The following OTP variants were observed in gnomAD, a reference collection of about 807,000 sequenced individuals.
OTP encodes the protein homeobox protein orthopedia.
OTP carries 5 observed loss-of-function variants against 22.3 expected under a neutral mutation model. The observed-to-expected ratio is 0.22, with a 90% CI of 0.12 to 0.47. The LOEUF (loss-of-function observed/expected upper bound fraction) is 0.47, where lower values mean the gene tolerates loss of function less well. OTP is among the 20% of genes least tolerant of loss of function. OTP has a pLI of 0.99. For missense variants in OTP, 428 were observed against 456.2 expected (o/e 0.94, Z 0.56); for synonymous variants, 229 against 210.6 (o/e 1.09, Z -0.76).
chr5:77,630,257 G>C lies in OTP; in HGVS notation c.*7C>G, dbSNP rs776818512. 10 of 1,509,644 alleles carry C rather than the reference G, an allele frequency of 6.6e-6. No homozygotes were observed. The highest frequency in any genetic ancestry group is 7.9e-6 in the Non-Finnish European group (9 of 1,132,966). The allele number at this position is 1,509,644 out of a possible 1,614,324, so 93.5% of individuals were successfully genotyped here. A position where few individuals can be genotyped will look rare whatever the true frequency, so the allele number is the denominator to read the frequency against. On this transcript the variant is annotated 3_prime_UTR_variant, in exon 3 of 3. Transcript: ENST00000306422. The stretch of plus-strand genomic sequence containing the variant: ...CTGGGGGCGGAGCGGGCCGGGGCGC[G>C]GCTGCATTAAGTGAAGCTCATAGAG...
rs1443898774 is a variant in OTP at position 77,630,480 on chromosome 5, G to A, written c.762C>T (p.Asn254=). 6 of 1,593,370 alleles carry A rather than the reference G, an allele frequency of 3.8e-6. No individual in the cohort carries two copies. The highest frequency in any genetic ancestry group is 2.7e-5 in the African/African-American group (2 of 74,504). The change falls in exon 3 of 3, where the codon AAC becomes AAT. Residue 254 remains asparagine, a synonymous_variant. Transcript: ENST00000306422. ...CCGCGCCGTTGGAACCCGCCAGGCT[G>A]TTGGACAGGCCCATGGAGTTGGGCG... The part of the protein sequence containing the change: ...GPPPNSMGLS[N]SLAGSNGAGL...
intron 2 of OTP, among the ~76,000 whole-genome samples, chr5:77,634,262 A>C (rs1440517045): frequency 2.0e-5 from 3 of 152,226 alleles, no homozygotes; most frequent in African/African-American, 7.2e-5. Flanking sequence ...CTGCTTAATA[A>C]GCCATTCCAG....
intron 2 of OTP, among the ~76,000 whole-genome samples, chr5:77,634,655 G>C (rs1744981183): frequency 6.6e-6 from 1 of 152,120 alleles, no homozygotes. Context: ...ATTTGGTCAA[G>C]GAGCAATGGT....
At chr5:77,638,475 G>T (rs748703174) in intron 1 of OTP, 38 bp downstream of exon 1, 2 of 1,557,966 alleles carry the variant, frequency 1.3e-6, no homozygotes, top group East Asian at 2.4e-5. Context: ...TCCTGCCCCG[G>T]CTTCTCCTGG....
intron 2 of OTP, among the ~76,000 whole-genome samples, chr5:77,635,253 C>T (rs193229445): frequency 1.3e-5 from 2 of 152,252 alleles, no homozygotes; most frequent in East Asian, 1.9e-4. Context: ...AACCTACAAG[C>T]AAGCACTGTC....
At position 77,636,952 on chromosome 5, in the gene OTP, G is replaced by T. The variant is rs1745016079; in HGVS notation, c.316C>A (p.Arg106Ser). 2 of 1,614,074 alleles carry T rather than the reference G, an allele frequency of 1.2e-6. No homozygotes were observed. Among genetic ancestry groups the T allele is most frequent in the Non-Finnish European group, 1.7e-6 (2 of 1,179,972 alleles). Residue 106 changes from arginine (R) to serine (S), a missense_variant, in exon 2 of 3, where the codon CGC becomes AGC. By Grantham distance (110) the Arg-to-Ser change is moderately radical. Transcript: ENST00000306422. The stretch of plus-strand genomic sequence containing the variant: ...GCGGGGGTGAAGCGCGTCCGGTGGC[G>T]CTTCTGCTTCTGTTGGCCCTGCTGC... ...GQQQGQQKQK[R>S]HRTRFTPAQL...
Position 77,630,788 on chromosome 5 carries a change from A to G in OTP, c.454T>C (p.Phe152Leu). Reference protein sequence around the residue: ...GLTESRVQVWFQNRRAKWKKR... With the variant: ...GLTESRVQVWLQNRRAKWKKR... ...TTCCACTTGGCGCGTCGGTTCTGGA[A>G]CCAGACCTGGAGCGGGCGGGGCGGG... Residue 152 changes from phenylalanine to leucine, a missense_variant, in exon 3 of 3, where the codon TTC becomes CTC. By Grantham distance (22) the Phe-to-Leu change is conservative (BLOSUM62 0). Coordinates refer to ENST00000306422, the MANE Select transcript of OTP (RefSeq NM_032109.3). 1 of 1,557,780 alleles carries G rather than the reference A, an allele frequency of 6.4e-7. No individual in the cohort carries two copies. Among genetic ancestry groups the G allele is most frequent in the Non-Finnish European group, 8.6e-7 (1 of 1,160,820 alleles).
rs1187849037 is a variant in OTP, at chr5:77,630,601, A to G, written c.641T>C (p.Met214Thr). 1 of 1,554,236 alleles carries G rather than the reference A, an allele frequency of 6.4e-7. No homozygotes were observed. The highest frequency in any genetic ancestry group is 8.6e-7 in the Non-Finnish European group (1 of 1,156,762). The change falls in exon 3 of 3, where the codon ATG becomes ACG. Residue 214 changes from methionine to threonine, a missense_variant. By Grantham distance (81) the Met-to-Thr change is moderately conservative. Around this residue, in one of 3 missense-constraint regions of OTP, gnomAD observed 236 missense variants for 238.1 expected, o/e 0.99. Coordinates refer to ENST00000306422, the MANE Select transcript of OTP (RefSeq NM_032109.3). ...CAGAGGCAGCTGTGACACGCCAGGCATGGCGGCCGCCGCCCAGCGGGTGTC... is the reference window on the plus strand; with the variant it reads ...CAGAGGCAGCTGTGACACGCCAGGCGTGGCGGCCGCCGCCCAGCGGGTGTC... ...ANDTRWAAAAMPGVSQLPLPP... is the reference protein window; with the variant it reads ...ANDTRWAAAATPGVSQLPLPP...
Position 77,630,547 on chromosome 5 carries a change from A to T in OTP, c.695T>A (p.Met232Lys). 6.3e-7 allele frequency: 1 copy of T among 1,577,326 alleles called. No homozygotes were observed. Among genetic ancestry groups the T allele is most frequent in the Non-Finnish European group, 8.6e-7 (1 of 1,165,200 alleles). The part of the protein sequence containing the change: ...LPPALGRQQA[M>K]AQSLSQCSLA... ...GCTGCACTGGGACAGCGACTGCGCC[A>T]TGGCCTGCTGCCTGCCCAGCGCCGG... The change falls in exon 3 of 3, where the codon ATG becomes AAG. Residue 232 changes from methionine (M) to lysine (K), a missense_variant. Met to Lys is a moderately conservative substitution (Grantham distance 95, BLOSUM62 -1). Coordinates refer to ENST00000306422, the MANE Select transcript of OTP (RefSeq NM_032109.3).
chr5:77,637,346 C>T (rs1384004320), intron 1 of OTP, 116 bp from the exon 2 acceptor site: 10 of 1,244,176 alleles, frequency 8.0e-6, no homozygotes, highest in Non-Finnish European at 1.1e-5. Flanking sequence ...CGCGCTTGTC[C>T]TAAGGAAGAA....
chr5:77,636,573 G>C (rs1745010898), intron 2 of OTP: 1 of 436,358 alleles, frequency 2.3e-6, no homozygotes, highest in African/African-American at 2.0e-5. Context: ...GACAACGCCG[G>C]GCTTCGATTT....
chr5:77,638,249 G>GAAAAAA (rs34059045), intron 1 of OTP, among the ~76,000 whole-genome samples: 1 of 92,560 alleles, frequency 1.1e-5, no homozygotes, highest in Non-Finnish European at 2.1e-5. Flanking sequence ...ATCGCCTTTC[G>GAAAAAA]AAAAAAAAAA....
Position 77,630,489 on chromosome 5 carries a change from G to T in OTP, c.753C>A (p.Gly251=). The change falls in exon 3 of 3, where the codon GGC becomes GGA. Residue 251 remains glycine, a synonymous_variant. Coordinates refer to ENST00000306422, the MANE Select transcript of OTP (RefSeq NM_032109.3). ...TGGAACCCGCCAGGCTGTTGGACAG[G>T]CCCATGGAGTTGGGCGGCGGACCGG... ...LAAGPPPNSM[G]LSNSLAGSNG... 1 of 1,593,628 alleles carries T rather than the reference G, an allele frequency of 6.3e-7. No homozygotes were observed. The highest frequency in any genetic ancestry group is 1.1e-5 in the South Asian group (1 of 87,962).
At chr5:77,637,449 C>T (rs1207201455) in intron 1 of OTP, among the ~76,000 whole-genome samples, 1 of 152,206 alleles carries the variant, frequency 6.6e-6, no homozygotes, top group African/African-American at 2.4e-5. Context: ...AGCCGGCTCC[C>T]GTAGTAAACA....
Position 77,630,516 on chromosome 5 carries a change from C to T in OTP, c.726G>A (p.Ala242=), listed in dbSNP as rs953963216. ...MAQSLSQCSL[A]AGPPPNSMGL... ...CCATGGAGTTGGGCGGCGGACCGGC[C>T]GCCAGGCTGCACTGGGACAGCGACT... is the stretch of plus-strand genomic sequence containing the variant. Residue 242 remains alanine, a synonymous_variant, in exon 3 of 3, where the codon GCG becomes GCA. Transcript: ENST00000306422. 1.9e-6 allele frequency: 3 copies of T among 1,590,332 alleles called. No homozygotes were observed. The highest frequency in any genetic ancestry group is 2.6e-6 in the Non-Finnish European group (3 of 1,171,060).
chr5:77,637,667 T>C (rs888124540), intron 1 of OTP, among the ~76,000 whole-genome samples: 1 of 152,140 alleles, frequency 6.6e-6, no homozygotes, highest in Non-Finnish European at 1.5e-5. Flanking sequence ...GAACTGTACC[T>C]CCGGCCCTCA....
intron 1 of OTP, among the ~76,000 whole-genome samples, 193 bp from the exon 2 acceptor site, chr5:77,637,423 C>G (rs115789183): frequency 0.013 from 1,986 of 152,328 alleles, 48 homozygotes; most frequent in African/African-American, 0.046. Context: ...ATCTCCCGGC[C>G]CCTTGCCCTC....
In OTP at chr5:77,630,728, G is replaced by A. The variant is rs1348814429; in HGVS notation, c.514C>T (p.Pro172Ser). The A allele has an allele frequency of 3.8e-6, 6 of 1,584,628 alleles. No individual in the cohort carries two copies. The highest frequency in any genetic ancestry group is 2.2e-5 in the South Asian group (2 of 89,378). ...CCTGGCGTGGGCAGCAGTGTGCCGGGCGCACGGAACACGTTGGTCGTCTTT... is the reference window on the plus strand; with the variant it reads ...CCTGGCGTGGGCAGCAGTGTGCCGGACGCACGGAACACGTTGGTCGTCTTT... ...RKKTTNVFRA[P>S]GTLLPTPGLP... is the part of the protein sequence containing the mutation. The change falls in exon 3 of 3, where the codon CCC becomes TCC. Residue 172 changes from proline to serine, a missense_variant. Coordinates refer to ENST00000306422, the MANE Select transcript of OTP (RefSeq NM_032109.3).
At chr5:77,636,294 G>A (rs1474270057) in intron 2 of OTP, 1 of 152,818 alleles carries the variant, frequency 6.5e-6, no homozygotes, top group Non-Finnish European at 1.5e-5. Context: ...TGAGTGCAGA[G>A]GGAGGGTGAT....
Sources: allele counts gnomAD v4.1 joint callset (sites outside exome capture counted in the v4.1 genomes callset), GRCh38; gene constraint gnomAD v4.1.1; regional missense constraint gnomAD v4.1.1; transcripts MANE v1.5; gene names NCBI Gene and HGNC (gene_info 2026-07-23, HGNC 2026-07-21).